PAPSS1: variants seen among roughly 807,000 people sequenced by gnomAD.
PAPSS1 encodes the protein bifunctional 3'-phosphoadenosine 5'-phosphosulfate synthase 1.
In PAPSS1, 50 loss-of-function variants were observed where a neutral mutation model predicts 72.0. The ratio of observed to expected loss-of-function variants is 0.69; its 90% CI spans 0.55 to 0.88. The LOEUF (loss-of-function observed/expected upper bound fraction) is 0.88. PAPSS1 is among the 40% of genes least tolerant of loss of function. The probability of loss-of-function intolerance (pLI) is 0.00; values close to 1 mark genes in which losing one functional copy is unlikely to be tolerated. For synonymous variants in PAPSS1, 261 were observed against 263.6 expected (o/e 0.99, Z 0.09); for missense variants, 657 against 782.2 (o/e 0.84, Z 1.91).
At chr4:107,635,612 G>A (rs1480146510) in intron 10 of PAPSS1, among the ~76,000 whole-genome samples, 1 of 151,870 alleles carries the variant, frequency 6.6e-6, no homozygotes, top group Non-Finnish European at 1.5e-5. Context: ...GATAAAGTGA[G>A]GCAATTATAG....
At chr4:107,707,032 C>G (rs1326871098) in intron 1 of PAPSS1, among the ~76,000 whole-genome samples, 1 of 152,204 alleles carries the variant, frequency 6.6e-6, no homozygotes, top group Admixed American at 6.5e-5. Context: ...CCTGGGTCCA[C>G]AGAAATGGTC....
chr4:107,695,433 C>G (rs1723042039), intron 2 of PAPSS1, among the ~76,000 whole-genome samples: 1 of 152,124 alleles, frequency 6.6e-6, no homozygotes, highest in Non-Finnish European at 1.5e-5. Context: ...ATGTTATCTG[C>G]AAACAGGGAC....
At chr4:107,675,874 T>A (rs1194018984) in intron 5 of PAPSS1, among the ~76,000 whole-genome samples, 1 of 152,176 alleles carries the variant, frequency 6.6e-6, no homozygotes, top group Non-Finnish European at 1.5e-5. Context: ...GCAAGGCTGG[T>A]TCAACATACA....
At position 107,631,660 on chromosome 4, in the gene PAPSS1, C is replaced by T; in HGVS notation, c.1707G>A (p.Lys569=). 1 of 1,613,966 alleles carries T rather than the reference C, an allele frequency of 6.2e-7. No homozygotes were observed. Among genetic ancestry groups the T allele is most frequent in the Non-Finnish European group, 8.5e-7 (1 of 1,179,844 alleles). The change falls in exon 11 of 12, where the codon AAG becomes AAA. Residue 569 remains lysine, a synonymous_variant. Transcript: ENST00000265174. The part of the protein sequence containing the change: ...PFRVAAYNKK[K]KRMDYYDSEH... ...CAGAGTCATAGTAGTCCATACGCTT[C>T]TTTTTCTTGTTGTAAGCTGCAACTC...
At chr4:107,647,297 A>T (rs552245068) in intron 9 of PAPSS1, among the ~76,000 whole-genome samples, 3 of 152,330 alleles carry the variant, frequency 2.0e-5, no homozygotes, top group African/African-American at 7.2e-5. Context: ...CAGCACTACC[A>T]CAGTGTGGAG....
At chr4:107,694,368 T>C (rs1257742406) in intron 2 of PAPSS1, 1 of 186,768 alleles carries the variant, frequency 5.4e-6, no homozygotes, top group Non-Finnish European at 1.1e-5. Flanking sequence ...TGTTCTTATC[T>C]AATATTTCTC....
intron 5 of PAPSS1, 110 bp downstream of exon 5, chr4:107,681,905 T>G: frequency 1.6e-6 from 1 of 633,502 alleles, no homozygotes; most frequent in Non-Finnish European, 2.8e-6. Context: ...TCGAAGCATT[T>G]AAAATACAAA....
At chr4:107,714,334 C>T (rs113088092) in intron 1 of PAPSS1, among the ~76,000 whole-genome samples, 2,822 of 152,288 alleles carry the variant, frequency 0.019, 94 homozygotes, top group African/African-American at 0.064. Flanking sequence ...AATCTCTCTC[C>T]CCTACGGCAA....
chr4:107,679,483 A>T (rs1256096890), intron 5 of PAPSS1, among the ~76,000 whole-genome samples: 1 of 152,186 alleles, frequency 6.6e-6, no homozygotes, highest in Non-Finnish European at 1.5e-5. Context: ...ACAGTATGAC[A>T]GAAAATGAAA....
chr4:107,648,717 C>G (rs1360673077), intron 9 of PAPSS1, among the ~76,000 whole-genome samples: 1 of 152,172 alleles, frequency 6.6e-6, no homozygotes, highest in Non-Finnish European at 1.5e-5. Context: ...ATCAATATAG[C>G]AGCTAAACAA....
Position 107,614,346 on chromosome 4 carries a change from T to C in PAPSS1, c.1778A>G (p.Lys593Arg), listed in dbSNP as rs781671262. 2 of 1,613,852 alleles carry C rather than the reference T, an allele frequency of 1.2e-6. No individual in the cohort carries two copies. The highest frequency in any genetic ancestry group is 1.1e-5 in the South Asian group (1 of 91,080). Residue 593 changes from lysine (K) to arginine (R), a missense_variant, in exon 12 of 12, where the codon AAA (lysine) becomes AGA (arginine). Transcript: ENST00000265174. ...TGGTTTCTGGCCTTCTCGAGCAAGTTTGCGCATTCGTGTTCCTGAAATAAA... is the reference window on the plus strand; with the variant it reads ...TGGTTTCTGGCCTTCTCGAGCAAGTCTGCGCATTCGTGTTCCTGAAATAAA... Reference protein sequence around the residue: ...FEFISGTRMRKLAREGQKPPE... With the variant: ...FEFISGTRMRRLAREGQKPPE...
chr4:107,640,200 A>G (rs1726498698), intron 10 of PAPSS1, among the ~76,000 whole-genome samples: 1 of 152,212 alleles, frequency 6.6e-6, no homozygotes, highest in East Asian at 1.9e-4. Flanking sequence ...GTCAATTAAT[A>G]CCTCACAAAG....
intron 11 of PAPSS1, among the ~76,000 whole-genome samples, chr4:107,627,445 T>C (rs910434015): frequency 1.3e-5 from 2 of 152,190 alleles, no homozygotes; most frequent in African/African-American, 4.8e-5. Context: ...AAAAGGTTTC[T>C]GGGCCCAGCA....
chr4:107,695,629 G>A (rs2428400), intron 2 of PAPSS1, among the ~76,000 whole-genome samples: 124,463 of 152,102 alleles, frequency 0.82, 53,040 homozygotes, highest in South Asian at 0.95. Context: ...CTATGGGTTT[G>A]TCATGAATAG....
chr4:107,690,235 A>T (rs1346327092), intron 3 of PAPSS1, among the ~76,000 whole-genome samples: 1 of 152,168 alleles, frequency 6.6e-6, no homozygotes, highest in Non-Finnish European at 1.5e-5. Context: ...TGCAGAAGTC[A>T]CCACCTAGCC....
chr4:107,662,271 G>A (rs1578405856), intron 5 of PAPSS1, among the ~76,000 whole-genome samples: 2 of 152,146 alleles, frequency 1.3e-5, no homozygotes, highest in African/African-American at 4.8e-5. Context: ...AGAAAAGTGT[G>A]TGAGGCACAA....
intron 10 of PAPSS1, among the ~76,000 whole-genome samples, chr4:107,639,992 T>C (rs1043259543): frequency 2.0e-5 from 3 of 152,214 alleles, no homozygotes; most frequent in African/African-American, 7.2e-5. Context: ...TACCTCCAAC[T>C]GCATTTTCCC....
At chr4:107,694,114 T>A (rs1299599889) in intron 2 of PAPSS1, 108 bp from the exon 3 acceptor site, 6 of 768,162 alleles carry the variant, frequency 7.8e-6, no homozygotes, top group Non-Finnish European at 1.3e-5. Flanking sequence ...CCACCCAGGC[T>A]GGAGTGCAGA....
At chr4:107,637,873 TA>T (rs1726430837) in intron 10 of PAPSS1, among the ~76,000 whole-genome samples, 1 of 152,226 alleles carries the variant, frequency 6.6e-6, no homozygotes, top group Admixed American at 6.5e-5. Context: ...ATCTATACCT[TA>T]ATTAATCTCA....
Sources: allele counts gnomAD v4.1 joint callset (sites outside exome capture counted in the v4.1 genomes callset), GRCh38; gene constraint gnomAD v4.1.1; transcripts MANE v1.5; gene names NCBI Gene and HGNC (gene_info 2026-07-23, HGNC 2026-07-21).